The following NRP2 variants were observed in gnomAD, a reference collection of about 807,000 sequenced individuals.
NRP2 encodes neuropilin 2.
NRP2 carries 52 observed loss-of-function variants against 110.4 expected under a neutral mutation model. The ratio of observed to expected loss-of-function variants is 0.47; its 90% CI spans 0.38 to 0.59. The LOEUF (loss-of-function observed/expected upper bound fraction) is 0.59, where lower values mean the gene tolerates loss of function less well. NRP2 is among the 20% of genes least tolerant of loss of function. The probability of loss-of-function intolerance (pLI) is 0.00; values close to 1 mark genes in which losing one functional copy is unlikely to be tolerated. For missense variants in NRP2, 1,049 were observed against 1,203.0 expected (o/e 0.87, Z 1.89); for synonymous variants, 508 against 468.9 (o/e 1.08, Z -1.08).
At chr2:205,692,826 G>A (rs893090533) in intron 1 of NRP2, among the ~76,000 whole-genome samples, 3 of 152,166 alleles carry the variant, frequency 2.0e-5, no homozygotes, top group African/African-American at 7.2e-5. Flanking sequence ...TGGGTTATAA[G>A]ATCTATTCCC....
At chr2:205,736,218 T>G (rs1368181928) in intron 7 of NRP2, among the ~76,000 whole-genome samples, 1 of 152,092 alleles carries the variant, frequency 6.6e-6, no homozygotes, top group African/African-American at 2.4e-5. Flanking sequence ...GGCGCATACC[T>G]GTAATCCCAG....
At chr2:205,790,319 C>G (rs1183250186) in intron 15 of NRP2, among the ~76,000 whole-genome samples, 1 of 152,214 alleles carries the variant, frequency 6.6e-6, no homozygotes, top group Admixed American at 6.5e-5. Flanking sequence ...CATCATTTTA[C>G]CCTTTTTCCT....
chr2:205,740,780 A>C, intron 8 of NRP2, 117 bp downstream of exon 8: 37 of 1,153,094 alleles, frequency 3.2e-5, no homozygotes, highest in Non-Finnish European at 4.1e-5. Context: ...AGACTGGCTC[A>C]AGGACTCAAG....
chr2:205,792,380 A>T, intron 16 of NRP2, 95 bp downstream of exon 16: 1 of 845,188 alleles, frequency 1.2e-6, no homozygotes, highest in Non-Finnish European at 2.1e-6. Flanking sequence ...GGAGGGCCCA[A>T]ATCTAGAACT....
chr2:205,713,079 C>T (rs114945333), intron 2 of NRP2, among the ~76,000 whole-genome samples: 3,414 of 152,172 alleles, frequency 0.022, 83 homozygotes, highest in Admixed American at 0.07. Context: ...GGTCTGTATC[C>T]GTTGAGTAAA....
In NRP2 at chr2:205,683,097, C is replaced by T. The variant is rs2056050833; in HGVS notation, c.-194C>T. 1 of 591,680 alleles carries T rather than the reference C, an allele frequency of 1.7e-6. No individual in the cohort carries two copies. The allele number at this position is 591,680 out of a possible 1,614,324, so 36.7% of individuals were successfully genotyped here. The stretch of plus-strand genomic sequence containing the variant: ...CCCTCTTTGCTGATTTCAGGAGCTA[C>T]TCTCCTCCTGGTGAGGTGGAAATTC... On this transcript the variant is annotated 5_prime_UTR_variant, in exon 1 of 17. Transcript: ENST00000357785.
At chr2:205,697,965 C>G (rs1559309655) in intron 2 of NRP2, 4 of 548,444 alleles carry the variant, frequency 7.3e-6, no homozygotes, top group Non-Finnish European at 1.3e-5. Context: ...TAACCTACCT[C>G]CAAAGGCCGG....
At chr2:205,707,566 T>C (rs1192156197) in intron 2 of NRP2, among the ~76,000 whole-genome samples, 1 of 152,194 alleles carries the variant, frequency 6.6e-6, no homozygotes, top group Non-Finnish European at 1.5e-5. Context: ...GTTTTTCAGA[T>C]GAGTTTTGCA....
chr2:205,717,648 T>C (rs968418596), intron 3 of NRP2, among the ~76,000 whole-genome samples: 24 of 152,172 alleles, frequency 1.6e-4, no homozygotes, highest in African/African-American at 5.6e-4. Context: ...CTGACTATGA[T>C]GAGGTCACAG....
chr2:205,723,423 G>A lies in NRP2; in HGVS notation c.665-362G>A, dbSNP rs536001586. On this transcript the variant is annotated intron_variant, in intron 4 of 16. Coordinates refer to ENST00000357785, the MANE Select transcript of NRP2 (RefSeq NM_003872.3). ...CTTAGTCAGAAAACTTGGGTTGTAG[G>A]CCCAGCTCTGCTATTTCCTAGCAGT... Among the ~76,000 whole-genome samples the A allele has an allele frequency of 3.9e-5, 6 of 152,242 alleles. No homozygotes were observed. In the South Asian group the frequency reaches 1.0e-3, roughly 26 times the overall value.
intron 3 of NRP2, chr2:205,722,178 C>T (rs1157585670): frequency 0.029 from 8,856 of 309,058 alleles, 115 homozygotes; most frequent in Admixed American, 0.048. Flanking sequence ...CTCATACACA[C>T]ACACACACAC....
chr2:205,793,569 G>C (rs546998918), intron 16 of NRP2, among the ~76,000 whole-genome samples: 1 of 152,248 alleles, frequency 6.6e-6, no homozygotes, highest in Admixed American at 6.5e-5. Flanking sequence ...TCAACATGTG[G>C]ACAGGGTTGG....
At chr2:205,790,913 G>A (rs552167417) in intron 15 of NRP2, among the ~76,000 whole-genome samples, 30 of 152,308 alleles carry the variant, frequency 2.0e-4, no homozygotes, top group Middle Eastern at 3.4e-3. Flanking sequence ...GTGCCATGTG[G>A]CATCAATCTT....
chr2:205,734,756 A>G (rs1485595743), intron 7 of NRP2, among the ~76,000 whole-genome samples: 2 of 152,194 alleles, frequency 1.3e-5, no homozygotes, highest in Non-Finnish European at 2.9e-5. Flanking sequence ...TTTGGAGGCA[A>G]TGAAACATTT....
Position 205,710,432 on chromosome 2 carries a change from T to C in NRP2, c.252-5761T>C, listed in dbSNP as rs568765032. ...TTAAATGAAATAATATCTGAATCAA[T>C]GGCCTGGCCCATAGTAAATGCTCAA... On this transcript the variant is annotated intron_variant, in intron 2 of 16. Coordinates refer to ENST00000357785, the MANE Select transcript of NRP2 (RefSeq NM_003872.3). 7.2e-5 allele frequency among the ~76,000 whole-genome samples: 11 copies of C among 152,362 alleles called. No homozygotes were observed. The East Asian group carries it at 2.1e-3, about 29-fold the overall frequency.
Position 205,776,103 on chromosome 2 carries a change from A to C in NRP2, c.2425+9300A>C, listed in dbSNP as rs757818442. 7.1e-6 allele frequency: 6 copies of C among 841,278 alleles called. No individual in the cohort carries two copies. In the Admixed American group the frequency reaches 8.5e-5, roughly 12 times the overall value. The allele number at this position is 841,278 out of a possible 1,614,324, so 52.1% of individuals were successfully genotyped here. ...CGTTGAGAAGTGCTTGGCAGGTGCT[A>C]AGGACTGAGTACCACCTTAGTCCCC... is the stretch of plus-strand genomic sequence containing the variant. On this transcript the variant is annotated intron_variant, in intron 15 of 16. Coordinates refer to ENST00000357785, the MANE Select transcript of NRP2 (RefSeq NM_003872.3).
chr2:205,703,064 C>T lies in NRP2; in HGVS notation c.251+5343C>T, dbSNP rs145124470. On this transcript the variant is annotated intron_variant, in intron 2 of 16. Coordinates refer to ENST00000357785, the MANE Select transcript of NRP2 (RefSeq NM_003872.3). ...GTACTTCATATCTAAACTCCCATGG[C>T]GCCTAGTCTAGGAGGGTGCTAGGCA... is the stretch of plus-strand genomic sequence containing the variant. 7.2e-5 allele frequency among the ~76,000 whole-genome samples: 11 copies of T among 152,318 alleles called. No individual in the cohort carries two copies. The East Asian group carries it at 1.5e-3, about 21-fold the overall frequency.
intron 10 of NRP2, 95 bp downstream of exon 10, chr2:205,745,985 C>A: frequency 7.0e-7 from 1 of 1,430,984 alleles, no homozygotes; most frequent in Non-Finnish European, 9.8e-7. Context: ...AGGGGGCAGC[C>A]ATCCCAGGAG....
At chr2:205,727,731 G>A (rs900930505) in intron 6 of NRP2, among the ~76,000 whole-genome samples, 160 bp from the exon 7 acceptor site, 3 of 152,134 alleles carry the variant, frequency 2.0e-5, no homozygotes, top group East Asian at 1.9e-4. Context: ...GAGTTTAATC[G>A]TCCAATGGAA....
Sources: allele counts gnomAD v4.1 joint callset (sites outside exome capture counted in the v4.1 genomes callset), GRCh38; gene constraint gnomAD v4.1.1; transcripts MANE v1.5; gene names NCBI Gene and HGNC (gene_info 2026-07-23, HGNC 2026-07-21).